Variants in ARHGAP6 observed in about 807,000 individuals in gnomAD.
ARHGAP6 encodes rho GTPase-activating protein 6.
A neutral mutation model predicts 55.7 loss-of-function variants in ARHGAP6; 16 were observed. The ratio of observed to expected loss-of-function variants is 0.29; its 90% CI spans 0.19 to 0.44. The LOEUF is 0.44. Ranked by LOEUF, ARHGAP6 falls within the 20% of genes least tolerant of loss-of-function variation. ARHGAP6 has a pLI of 1.00. For missense variants in ARHGAP6, 698 were observed against 808.9 expected (o/e 0.86, Z 1.66); for synonymous variants, 382 against 360.9 (o/e 1.06, Z -0.66).
intron 1 of ARHGAP6, among the ~76,000 whole-genome samples, chrX:11,448,323 G>A (rs1244276065): frequency 2.7e-5 from 3 of 111,680 alleles, no homozygotes; most frequent in East Asian, 2.8e-4. Flanking sequence ...TTGCCCTTCC[G>A]TTGTCTCAGA....
chrX:11,568,145 G>T (rs773279106), intron 1 of ARHGAP6, among the ~76,000 whole-genome samples: 1 of 111,355 alleles, frequency 9.0e-6, no homozygotes, highest in African/African-American at 3.3e-5. Flanking sequence ...AGATCCCAGG[G>T]AGGACCTGGA....
intron 1 of ARHGAP6, among the ~76,000 whole-genome samples, chrX:11,286,454 C>T (rs946008680): frequency 8.1e-5 from 9 of 111,377 alleles, no homozygotes; most frequent in Non-Finnish European, 1.9e-5. Flanking sequence ...ACTTGGGGTA[C>T]AAACTTTGGA....
chrX:11,525,264 C>T (rs942677247), intron 1 of ARHGAP6, among the ~76,000 whole-genome samples: 1 of 111,644 alleles, frequency 9.0e-6, no homozygotes, highest in African/African-American at 3.3e-5. Context: ...TCAAGTGTCC[C>T]CTGAAGAGCC....
rs1169394721 is a variant in ARHGAP6 at position 11,539,941 on chromosome X, GAAACA to G, written c.588+124295_588+124299del. Among the ~76,000 whole-genome samples the G allele has an allele frequency of 4.0e-3, 448 of 111,194 alleles. 2 individuals are homozygous for G. The highest frequency in any genetic ancestry group is 0.014 in the African/African-American group (427 of 30,581). ...CATTGGTTATCCAGGGACAAAAAGT[GAAACA>G]AAACAAAACAAAACAAAACAAACCT... On this transcript the variant is annotated intron_variant, in intron 1 of 12. Coordinates refer to ENST00000337414, the MANE Select transcript of ARHGAP6 (RefSeq NM_013427.3).
intron 1 of ARHGAP6, among the ~76,000 whole-genome samples, chrX:11,477,597 C>A (rs1483417823): frequency 2.7e-5 from 3 of 111,933 alleles, no homozygotes; most frequent in Non-Finnish European, 5.7e-5. Flanking sequence ...AAACAGAAAA[C>A]AACTCAAATA....
chrX:11,399,640 G>C (rs1037743395), intron 1 of ARHGAP6, among the ~76,000 whole-genome samples: 2 of 111,744 alleles, frequency 1.8e-5, no homozygotes, highest in Non-Finnish European at 3.8e-5. Flanking sequence ...ATGTAAAATG[G>C]AGCAGCCACT....
intron 1 of ARHGAP6, among the ~76,000 whole-genome samples, chrX:11,505,595 C>T (rs2050723632): frequency 9.0e-6 from 1 of 111,232 alleles, no homozygotes. Context: ...AAGACCCATG[C>T]ACGTGAATGT....
intron 10 of ARHGAP6, among the ~76,000 whole-genome samples, chrX:11,150,410 A>T (rs1000199327): frequency 7.6e-5 from 8 of 105,089 alleles, no homozygotes; most frequent in African/African-American, 2.5e-4. Context: ...GTACCTCTAT[A>T]TACATGGTTT....
At position 11,527,719 on chromosome X, in the gene ARHGAP6, G is replaced by C. The variant is rs758779915; in HGVS notation, c.588+136522C>G. ...CAATGACACTAGATTAGGGTTGCCA[G>C]ACAGAATACAGGTCACTCAGTTAAA... On this transcript the variant is annotated intron_variant, in intron 1 of 12. Coordinates refer to ENST00000337414, the MANE Select transcript of ARHGAP6 (RefSeq NM_013427.3). Among the ~76,000 whole-genome samples the C allele has an allele frequency of 6.2e-5, 7 of 112,583 alleles. No individual in the cohort carries two copies. In the South Asian group the frequency reaches 2.2e-3, roughly 35 times the overall value.
chrX:11,616,655 C>A (rs2052168923), intron 1 of ARHGAP6, among the ~76,000 whole-genome samples: 1 of 111,921 alleles, frequency 8.9e-6, no homozygotes, highest in Non-Finnish European at 1.9e-5. Flanking sequence ...AACTACCAAG[C>A]CTCAAGCATT....
At chrX:11,175,706 AGAG>A (rs1187431020) in intron 8 of ARHGAP6, among the ~76,000 whole-genome samples, 1 of 111,187 alleles carries the variant, frequency 9.0e-6, no homozygotes, top group Non-Finnish European at 1.9e-5. Flanking sequence ...ACTTGGTGGG[AGAG>A]GAGATGTACT....
At chrX:11,655,088 T>C (rs1008862699) in intron 1 of ARHGAP6, among the ~76,000 whole-genome samples, 5 of 111,954 alleles carry the variant, frequency 4.5e-5, no homozygotes, top group African/African-American at 9.7e-5. Context: ...AGTAATCTTT[T>C]TGTCTCTATG....
intron 2 of ARHGAP6, among the ~76,000 whole-genome samples, chrX:11,217,904 G>A (rs1221450272): frequency 8.9e-6 from 1 of 111,909 alleles, no homozygotes; most frequent in Non-Finnish European, 1.9e-5. Context: ...GTGTAAGGAA[G>A]GCATCCAGTT....
intron 1 of ARHGAP6, among the ~76,000 whole-genome samples, chrX:11,324,150 C>G (rs1215477559): frequency 8.9e-6 from 1 of 111,849 alleles, no homozygotes; most frequent in Non-Finnish European, 1.9e-5. Context: ...AAGAGCAGAG[C>G]TTTTGAAGGA....
In ARHGAP6 at chrX:11,279,777, C is replaced by A. The variant is rs753480519; in HGVS notation, c.589-25070G>T. Reference sequence around the variant, plus strand: ...CATTAATAATCTCATTTAATCTCAACAACAACCAATTGAGGTAAATATTAC... The same window carrying A: ...CATTAATAATCTCATTTAATCTCAAAAACAACCAATTGAGGTAAATATTAC... On this transcript the variant is annotated intron_variant, in intron 1 of 12. Transcript: ENST00000337414. 7.1e-4 allele frequency among the ~76,000 whole-genome samples: 79 copies of A among 111,376 alleles called. 2 individuals carry two copies. The highest frequency in any genetic ancestry group is 2.5e-3 in the African/African-American group (76 of 30,684).
intron 1 of ARHGAP6, among the ~76,000 whole-genome samples, chrX:11,664,010 C>A (rs2052727333): frequency 8.9e-6 from 1 of 112,687 alleles, no homozygotes; most frequent in Non-Finnish European, 1.9e-5. Context: ...CTCCAGCTCC[C>A]ACGACTGCTC....
intron 1 of ARHGAP6, among the ~76,000 whole-genome samples, chrX:11,522,715 A>G (rs1052882494): frequency 3.6e-5 from 4 of 111,445 alleles, no homozygotes; most frequent in African/African-American, 1.3e-4. Flanking sequence ...TAGACCAATA[A>G]CAGGCTCTGA....
At chrX:11,194,870 T>A (rs1361658247) in intron 3 of ARHGAP6, among the ~76,000 whole-genome samples, 1 of 112,003 alleles carries the variant, frequency 8.9e-6, no homozygotes, top group Admixed American at 9.4e-5. Flanking sequence ...CTGATCCCAA[T>A]GCATGTTTTA....
In ARHGAP6 at chrX:11,665,085, T is replaced by C. The variant is rs2052742948; in HGVS notation, c.-257A>G. 1 of 300,197 alleles carries C rather than the reference T, an allele frequency of 3.3e-6. No individual in the cohort carries two copies. The highest frequency in any genetic ancestry group is 5.8e-6 in the Non-Finnish European group (1 of 173,232). The allele number at this position is 300,197 out of a possible 1,213,427, so 24.7% of individuals were successfully genotyped here. ...GGACCTCCTGCAGCCGCTAGAACCT[T>C]CCTCCGGAGCCCAAGACGCGAAGAG... On this transcript the variant is annotated 5_prime_UTR_variant, in exon 1 of 13. Transcript: ENST00000337414.
Sources: allele counts gnomAD v4.1 joint callset (sites outside exome capture counted in the v4.1 genomes callset), GRCh38; gene constraint gnomAD v4.1.1; transcripts MANE v1.5; gene names NCBI Gene and HGNC (gene_info 2026-07-23, HGNC 2026-07-21).